The following PIEZO1 variants were observed in gnomAD, a reference collection of about 807,000 sequenced individuals.
PIEZO1 encodes the protein piezo type mechanosensitive ion channel component 1 (Er blood group).
A neutral mutation model predicts 297.2 loss-of-function variants in PIEZO1; 296 were observed. The observed-to-expected ratio is 1.00, with a 90% confidence interval of 0.91 to 1.10. The LOEUF is 1.10. Ranked by LOEUF, PIEZO1 falls within the 50% of genes least tolerant of loss-of-function variation. The pLI is 0.00. For missense variants in PIEZO1, 5,018 were observed against 3,455.5 expected (o/e 1.45, Z -11.34); for synonymous variants, 2,427 against 1,507.5 (o/e 1.61, Z -14.13).
intron 2 of PIEZO1, among the ~76,000 whole-genome samples, chr16:88,746,954 C>T (rs2340964): frequency 0.017 from 2,546 of 152,304 alleles, 76 homozygotes; most frequent in African/African-American, 0.058. Context: ...GCCCACCCAC[C>T]CCAGCCATGC....
intron 1 of PIEZO1, among the ~76,000 whole-genome samples, chr16:88,782,168 C>T (rs990954275): frequency 6.6e-6 from 1 of 152,132 alleles, no homozygotes; most frequent in African/African-American, 2.4e-5. Context: ...GGAGTGCAGT[C>T]ATACAATCAT....
At position 88,716,303 on chromosome 16, in the gene PIEZO1, G is replaced by GCCTGGCCCAGCCAA. The variant is rs764746748; in HGVS notation, c.7050-40_7050-27dup. The GCCTGGCCCAGCCAA allele has an allele frequency of 6.7e-6, 10 of 1,495,274 alleles. No homozygotes were observed. The African/African-American group carries it at 8.3e-5, about 12-fold the overall frequency. The allele number at this position is 1,495,274 out of a possible 1,614,324, so 92.6% of individuals were successfully genotyped here. On this transcript the variant is annotated intron_variant, in intron 48 of 50. Coordinates refer to ENST00000301015, the MANE Select transcript of PIEZO1 (RefSeq NM_001142864.4). ...CTGCAGGGAGGTGCTGGCAGGTCAG[G>GCCTGGCCCAGCCAA]CCTGGCCCAGCCAACCTGGCACAGC...
rs1477354966 is a variant in PIEZO1, at chr16:88,736,305, G to A, written c.1400C>T (p.Ser467Leu). 18 of 1,550,084 alleles carry A rather than the reference G, an allele frequency of 1.2e-5. No individual in the cohort carries two copies. The highest frequency in any genetic ancestry group is 1.5e-5 in the Non-Finnish European group (17 of 1,146,872). ...CATCCCATACAGCAGGATGCAGGGC[G>A]AGCACAGCATGGCCAGTTGGTGGCG... ...RSRHQLAMLC[S>L]PCILLYGMTL... Residue 467 changes from serine (S) to leucine (L), a missense_variant, in exon 12 of 51, where the codon TCG becomes TTG. By Grantham distance (145) the Ser-to-Leu change is moderately radical (BLOSUM62 -2). Coordinates refer to ENST00000301015, the MANE Select transcript of PIEZO1 (RefSeq NM_001142864.4).
intron 2 of PIEZO1, among the ~76,000 whole-genome samples, chr16:88,748,499 C>G (rs1021655086): frequency 1.2e-4 from 18 of 148,996 alleles, no homozygotes; most frequent in African/African-American, 2.2e-4. Context: ...CCCCCCCCCC[C>G]CCGCACAAGT....
chr16:88,766,336 C>T lies in PIEZO1; in HGVS notation c.65-16857G>A, dbSNP rs183782948. Among the ~76,000 whole-genome samples, 543 of 152,320 alleles carry T rather than the reference C, an allele frequency of 3.6e-3. 6 individuals carry two copies. The highest frequency in any genetic ancestry group is 0.012 in the African/African-American group (514 of 41,576). On this transcript the variant is annotated intron_variant, in intron 1 of 50. Transcript: ENST00000301015. ...CTGAGCGCACAGCCTGGACTCGAGA[C>T]TGCAACAGCGGCTCTTGACAGCCAG...
chr16:88,725,046 C>A lies in PIEZO1; in HGVS notation c.4197G>T (p.Arg1399=). 1 of 1,501,080 alleles carries A rather than the reference C, an allele frequency of 6.7e-7. No homozygotes were observed. 93.0% of individuals were successfully genotyped at this position (1,501,080 alleles called of 1,614,324 possible). A position where few individuals can be genotyped will look rare whatever the true frequency, so the allele number is the denominator to read the frequency against. ...PDSPGGSSPP[R]RQWWRPWLDH... ...CCAGCCAGGGCCGCCACCACTGCCT[C>A]CGTGGCGGGGAGGAGCCCCCTGGAC... Residue 1399 remains arginine, a synonymous_variant, in exon 30 of 51, where the codon CGG becomes CGT. Transcript: ENST00000301015.
intron 2 of PIEZO1, chr16:88,742,759 G>A (rs1264240404): frequency 5.6e-6 from 2 of 357,714 alleles, no homozygotes; most frequent in East Asian, 7.2e-5. Context: ...AGTTGTGGAA[G>A]CAGAGGAAAT....
At chr16:88,751,228 G>A (rs901186597) in intron 1 of PIEZO1, among the ~76,000 whole-genome samples, 1 of 152,210 alleles carries the variant, frequency 6.6e-6, no homozygotes, top group Non-Finnish European at 1.5e-5. Context: ...GAGGCGCAGG[G>A]CAGAGGGAGA....
intron 2 of PIEZO1, chr16:88,745,609 G>A: frequency 6.6e-6 from 1 of 152,200 alleles, no homozygotes; most frequent in African/African-American, 2.4e-5. Flanking sequence ...CAGGCGTGGT[G>A]ATGGGCACCT....
chr16:88,751,007 C>A (rs568801419), intron 1 of PIEZO1, among the ~76,000 whole-genome samples: 1 of 152,176 alleles, frequency 6.6e-6, no homozygotes, highest in African/African-American at 2.4e-5. Flanking sequence ...ATGTAGCCAA[C>A]GAGATCCCTC....
intron 31 of PIEZO1, among the ~76,000 whole-genome samples, 157 bp downstream of exon 31, chr16:88,723,714 G>A (rs1307859242): frequency 1.3e-5 from 2 of 152,272 alleles, no homozygotes; most frequent in Non-Finnish European, 2.9e-5. Context: ...GGTTTCCCAT[G>A]GGACTTGGGA....
Position 88,749,080 on chromosome 16 carries a change from A to G in PIEZO1, c.160+304T>C, listed in dbSNP as rs576279816. Reference sequence around the variant, plus strand: ...GTGAAACCCCGTCTCTACTAAAAATACAAAAAAAAATAAGCCAGGCGTGGT... The same window carrying G: ...GTGAAACCCCGTCTCTACTAAAAATGCAAAAAAAAATAAGCCAGGCGTGGT... On this transcript the variant is annotated intron_variant, in intron 2 of 50. Transcript: ENST00000301015. Among the ~76,000 whole-genome samples the G allele has an allele frequency of 1.3e-3, 194 of 151,826 alleles. 1 individual carries two copies. The highest frequency in any genetic ancestry group is 4.5e-3 in the African/African-American group (187 of 41,412).
chr16:88,718,045 T>C (rs751231773), intron 44 of PIEZO1: 10 of 285,812 alleles, frequency 3.5e-5, no homozygotes, highest in Non-Finnish European at 6.2e-5. Context: ...GTCATGCCAC[T>C]GCACTTCAGC....
chr16:88,738,388 G>A lies in PIEZO1; in HGVS notation c.687C>T (p.Ala229=). 3 of 1,535,850 alleles carry A rather than the reference G, an allele frequency of 2.0e-6. No individual in the cohort carries two copies. Among genetic ancestry groups the A allele is most frequent in the South Asian group, 1.2e-5 (1 of 84,066 alleles). The change falls in exon 7 of 51, where the codon GCC becomes GCT. Residue 229 remains alanine (A), a synonymous_variant. Transcript: ENST00000301015. ...LSSVYLLLFL[A]LCTWWACHFP... Reference sequence around the variant, plus strand: ...AGTGGCAGGCCCACCAGGTGCAGAGGGCCAGGAAGAGCAGCAGGTAGACAC... The same window carrying A: ...AGTGGCAGGCCCACCAGGTGCAGAGAGCCAGGAAGAGCAGCAGGTAGACAC...
chr16:88,738,480 C>T (rs1194770426), intron 6 of PIEZO1, 40 bp from the exon 7 acceptor site: 39 of 1,530,882 alleles, frequency 2.5e-5, no homozygotes, highest in Non-Finnish European at 3.1e-5. Context: ...CTGGCCAGTG[C>T]CATGTGTCCC....
chr16:88,784,181 A>G (rs936616143), intron 1 of PIEZO1, among the ~76,000 whole-genome samples: 5 of 151,960 alleles, frequency 3.3e-5, no homozygotes, highest in African/African-American at 1.2e-4. Flanking sequence ...AGGACTGGGG[A>G]CCCCTGCCCC....
intron 2 of PIEZO1, among the ~76,000 whole-genome samples, chr16:88,745,948 T>A (rs1007059731): frequency 2.6e-5 from 4 of 152,144 alleles, no homozygotes; most frequent in African/African-American, 9.7e-5. Flanking sequence ...AGCATCCTGA[T>A]GCGTGGTCCA....
chr16:88,731,560 T>C, intron 22 of PIEZO1, 146 bp downstream of exon 22: 1 of 579,024 alleles, frequency 1.7e-6, no homozygotes, highest in East Asian at 2.9e-5. Flanking sequence ...GGCGCCTGGG[T>C]AGGATGTGGA....
At chr16:88,759,241 G>A (rs1209780379) in intron 1 of PIEZO1, among the ~76,000 whole-genome samples, 4 of 152,250 alleles carry the variant, frequency 2.6e-5, no homozygotes, top group Non-Finnish European at 4.4e-5. Flanking sequence ...GCAGCTGCAG[G>A]GCTAGAACCT....
Sources: allele counts gnomAD v4.1 joint callset (sites outside exome capture counted in the v4.1 genomes callset), GRCh38; gene constraint gnomAD v4.1.1; transcripts MANE v1.5; gene names NCBI Gene and HGNC (gene_info 2026-07-23, HGNC 2026-07-21).